TRPS1: variants seen among roughly 807,000 people sequenced by gnomAD.
TRPS1 encodes zinc finger transcription factor Trps1.
TRPS1 carries 6 observed loss-of-function variants against 101.2 expected under a neutral mutation model. The observed-to-expected ratio is 0.06, with a 90% CI of 0.03 to 0.12. TRPS1 has a LOEUF of 0.12. TRPS1 is among the 10% of genes least tolerant of loss of function. The probability of loss-of-function intolerance (pLI) is 1.00; values close to 1 mark genes in which losing one functional copy is unlikely to be tolerated. For synonymous variants in TRPS1, 578 were observed against 589.8 expected (o/e 0.98, Z 0.29); for missense variants, 1,363 against 1,567.0 (o/e 0.87, Z 2.20).
chr8:115,639,767 C>T lies in TRPS1; in HGVS notation c.-121-16009G>A, dbSNP rs145464808. Among the ~76,000 whole-genome samples the T allele has an allele frequency of 5.7e-3, 865 of 152,098 alleles. 12 individuals carry two copies. The highest frequency in any genetic ancestry group is 0.02 in the African/African-American group (832 of 41,510). On this transcript the variant is annotated intron_variant, in intron 1 of 6. Transcript: ENST00000395715. ...TTGCTTGAGCTTGGGAGGCAGAGGT[C>T]GCAGTGAGCTGAGATCGTGCCACTG... is the stretch of plus-strand genomic sequence containing the variant.
rs187985398 is a variant in TRPS1 at position 115,527,780 on chromosome 8, G to A, written c.2700+59221C>T. On this transcript the variant is annotated intron_variant, in intron 5 of 6. Transcript: ENST00000395715. Reference sequence around the variant, plus strand: ...GATAATTGAGCATTAATAAAAAGAAGCCATTCTGGTATTACACTTCAGCTA... The same window carrying A: ...GATAATTGAGCATTAATAAAAAGAAACCATTCTGGTATTACACTTCAGCTA... Among the ~76,000 whole-genome samples the A allele has an allele frequency of 5.9e-5, 9 of 152,150 alleles. No homozygotes were observed. The East Asian group carries it at 1.4e-3, about 23-fold the overall frequency.
At chr8:115,450,078 T>C (rs549736617) in intron 5 of TRPS1, among the ~76,000 whole-genome samples, 6 of 152,080 alleles carry the variant, frequency 3.9e-5, no homozygotes, top group Non-Finnish European at 8.8e-5. Context: ...AGGAACGTGA[T>C]GCAACTACAC....
At chr8:115,498,178 A>G (rs1391220942) in intron 5 of TRPS1, among the ~76,000 whole-genome samples, 2 of 151,838 alleles carry the variant, frequency 1.3e-5, no homozygotes, top group African/African-American at 4.8e-5. Context: ...GGAGTTTGAG[A>G]CCAGCTGGGC....
At chr8:115,496,557 T>C (rs1440563054) in intron 5 of TRPS1, among the ~76,000 whole-genome samples, 1 of 152,178 alleles carries the variant, frequency 6.6e-6, no homozygotes, top group Non-Finnish European at 1.5e-5. Context: ...GCAAGTACTT[T>C]GTTTTTTCAT....
intron 1 of TRPS1, chr8:115,667,776 A>T: frequency 2.0e-6 from 3 of 1,474,256 alleles, no homozygotes; most frequent in Non-Finnish European, 2.7e-6. Context: ...CAAACTCTTC[A>T]AAGCCAAAGG....
chr8:115,561,280 C>T (rs946624819), intron 5 of TRPS1, among the ~76,000 whole-genome samples: 1 of 152,156 alleles, frequency 6.6e-6, no homozygotes, highest in South Asian at 2.1e-4. Flanking sequence ...GAAGGCAAGG[C>T]GTGCATCTTG....
intron 5 of TRPS1, among the ~76,000 whole-genome samples, chr8:115,440,544 A>C (rs1813567704): frequency 6.6e-6 from 1 of 152,206 alleles, no homozygotes; most frequent in Admixed American, 6.5e-5. Context: ...CAGTGAAAGG[A>C]CAGCAGCCTC....
intron 5 of TRPS1, among the ~76,000 whole-genome samples, chr8:115,524,230 T>G (rs1286465453): frequency 2.0e-5 from 3 of 152,044 alleles, no homozygotes; most frequent in African/African-American, 7.2e-5. Context: ...CAGCAATAAT[T>G]GGCATGTGCT....
At chr8:115,523,042 C>T (rs1461643178) in intron 5 of TRPS1, among the ~76,000 whole-genome samples, 22 of 152,056 alleles carry the variant, frequency 1.4e-4, no homozygotes, top group Admixed American at 1.4e-3. Flanking sequence ...ATTTGAATCA[C>T]ACAAATCCCC....
At chr8:115,420,662 A>G (rs745798848) in intron 5 of TRPS1, among the ~76,000 whole-genome samples, 4 of 152,248 alleles carry the variant, frequency 2.6e-5, no homozygotes, top group African/African-American at 9.6e-5. Context: ...TCTTGCAAAG[A>G]AAATGCCTTT....
chr8:115,457,447 G>A (rs1814058677), intron 5 of TRPS1, among the ~76,000 whole-genome samples: 1 of 152,108 alleles, frequency 6.6e-6, no homozygotes, highest in Non-Finnish European at 1.5e-5. Context: ...TGGTTTTCAG[G>A]TGCTGAAGGG....
At chr8:115,613,061 A>G (rs1276863761) in intron 3 of TRPS1, among the ~76,000 whole-genome samples, 1 of 152,226 alleles carries the variant, frequency 6.6e-6, no homozygotes, top group East Asian at 1.9e-4. Context: ...CTTTCAGACC[A>G]TCATTTAAAT....
chr8:115,569,483 A>C (rs1207089636), intron 5 of TRPS1, among the ~76,000 whole-genome samples: 2 of 152,164 alleles, frequency 1.3e-5, no homozygotes, highest in Non-Finnish European at 2.9e-5. Context: ...AGAGATTAAG[A>C]TGATGAGGTT....
chr8:115,667,779 G>T (rs1586512104), intron 1 of TRPS1: 1 of 1,481,768 alleles, frequency 6.7e-7, no homozygotes, highest in Non-Finnish European at 9.0e-7. Flanking sequence ...ACTCTTCAAA[G>T]CCAAAGGCAG....
intron 5 of TRPS1, among the ~76,000 whole-genome samples, chr8:115,533,373 A>G (rs567562368): frequency 1.4e-5 from 2 of 143,944 alleles, no homozygotes; most frequent in East Asian, 2.3e-4. Context: ...GGGAGTACCT[A>G]TATGAACTTT....
At chr8:115,524,046 G>C (rs935878408) in intron 5 of TRPS1, among the ~76,000 whole-genome samples, 2 of 152,022 alleles carry the variant, frequency 1.3e-5, no homozygotes, top group African/African-American at 4.8e-5. Context: ...TTGTTTTTTG[G>C]TCAAGCTTCT....
chr8:115,522,423 C>G (rs1445570709), intron 5 of TRPS1, among the ~76,000 whole-genome samples: 2 of 151,898 alleles, frequency 1.3e-5, no homozygotes, highest in Non-Finnish European at 2.9e-5. Flanking sequence ...AACTGTGTAA[C>G]TAAGTTATGG....
chr8:115,462,052 A>C (rs1327042392), intron 5 of TRPS1, among the ~76,000 whole-genome samples: 1 of 152,174 alleles, frequency 6.6e-6, no homozygotes, highest in African/African-American at 2.4e-5. Flanking sequence ...CCAAAATTTA[A>C]CGTATATCAT....
chr8:115,504,552 C>G (rs1815395034), intron 5 of TRPS1, among the ~76,000 whole-genome samples: 1 of 152,160 alleles, frequency 6.6e-6, no homozygotes, highest in South Asian at 2.1e-4. Flanking sequence ...GGCCCTTGCC[C>G]TACCTTTAAA....
Sources: gnomAD v4.1 joint callset for allele counts (sites outside exome capture counted in the v4.1 genomes callset) on GRCh38, gnomAD v4.1.1 for gene constraint, MANE v1.5 for transcripts, NCBI Gene and HGNC (gene_info 2026-07-23, HGNC 2026-07-21) for gene names.